MLXIP: variants seen among roughly 807,000 people sequenced by gnomAD.
MLXIP encodes the protein MLX interacting protein.
A neutral mutation model predicts 87.2 loss-of-function variants in MLXIP; 30 were observed. The ratio of observed to expected loss-of-function variants is 0.34; its 90% CI spans 0.26 to 0.47. The LOEUF (loss-of-function observed/expected upper bound fraction) is 0.47. Ranked by LOEUF, MLXIP falls within the 20% of genes least tolerant of loss-of-function variation. The pLI is 1.00. For synonymous variants in MLXIP, 530 were observed against 514.0 expected, an observed-to-expected ratio of 1.03 and a Z score of -0.42; for missense variants, 1,002 against 1,240.1, an observed-to-expected ratio of 0.81 and a Z score of 2.88.
chr12:122,094,593 GTGT>G (rs1952317839), intron 1 of MLXIP, among the ~76,000 whole-genome samples: 1 of 146,048 alleles, frequency 6.8e-6, no homozygotes, highest in Non-Finnish European at 1.5e-5. Context: ...GTTGGTGTGT[GTGT>G]TGGTGTTGTG....
At chr12:122,110,873 C>T (rs371862604) in intron 1 of MLXIP, among the ~76,000 whole-genome samples, 26 of 152,008 alleles carry the variant, frequency 1.7e-4, no homozygotes, top group African/African-American at 5.8e-4. Context: ...GTCAGGAGAT[C>T]GAGACCATCC....
chr12:122,122,967 C>T (rs1358245414), intron 1 of MLXIP, among the ~76,000 whole-genome samples: 1 of 151,940 alleles, frequency 6.6e-6, no homozygotes, highest in African/African-American at 2.4e-5. Flanking sequence ...GCTGGGATTA[C>T]AGGCGTGAGC....
At chr12:122,139,459 C>T (rs1024094460) in intron 15 of MLXIP, among the ~76,000 whole-genome samples, 5 of 152,180 alleles carry the variant, frequency 3.3e-5, no homozygotes, top group African/African-American at 1.2e-4. Flanking sequence ...ACGGCTCTCA[C>T]GGGGAGTGGT....
chr12:122,107,923 C>T (rs1017878853), intron 1 of MLXIP, among the ~76,000 whole-genome samples: 37 of 152,248 alleles, frequency 2.4e-4, no homozygotes, highest in African/African-American at 8.9e-4. Flanking sequence ...GGGACACTGC[C>T]CTCTCTGGCT....
At chr12:122,109,260 G>A (rs903524395) in intron 1 of MLXIP, among the ~76,000 whole-genome samples, 1 of 152,220 alleles carries the variant, frequency 6.6e-6, no homozygotes, top group Admixed American at 6.5e-5. Context: ...GTAGTGACGG[G>A]GTTGCACTGT....
Position 122,130,841 on chromosome 12 carries a change from C to A in MLXIP, c.911-3C>A. On this transcript the variant is annotated splice_polypyrimidine_tract_variant and splice_region_variant and intron_variant, in intron 6 of 16. Coordinates refer to ENST00000319080, the MANE Select transcript of MLXIP (RefSeq NM_014938.6). ...ATGGTTCCTCTCTCTGTGATTCTTG[C>A]AGCACATCTGGGAAATGCAGACATG... 1 of 1,609,308 alleles carries A rather than the reference C, an allele frequency of 6.2e-7. No homozygotes were observed. The highest frequency in any genetic ancestry group is 8.5e-7 in the Non-Finnish European group (1 of 1,175,788).
At chr12:122,121,538 G>A (rs1359004434) in intron 1 of MLXIP, among the ~76,000 whole-genome samples, 1 of 152,068 alleles carries the variant, frequency 6.6e-6, no homozygotes, top group Non-Finnish European at 1.5e-5. Context: ...CCAAAGTGCT[G>A]AGATTACAGG....
intron 1 of MLXIP, among the ~76,000 whole-genome samples, chr12:122,108,893 AAGAG>A (rs534249291): frequency 6.4e-4 from 97 of 152,306 alleles, no homozygotes; most frequent in African/African-American, 2.3e-3. Context: ...GGGTAAATGA[AAGAG>A]AGAGACATTA....
rs1158903629 is a variant in MLXIP at position 122,141,790 on chromosome 12, G to C, written c.2738G>C (p.Gly913Ala). ...GCGTCCAAGGCTGTCACCAGGATTG[G>C]CAAGAGATTGGGAGAGTCCTAGCTG... ...EQASKAVTRI[G>A]KRLGES is the part of the protein sequence containing the mutation. Residue 913 changes from glycine (G) to alanine (A), a missense_variant, in exon 17 of 17, where the codon GGC becomes GCC. Transcript: ENST00000319080. 1 of 1,613,738 alleles carries C rather than the reference G, an allele frequency of 6.2e-7. No homozygotes were observed. The highest frequency in any genetic ancestry group is 8.5e-7 in the Non-Finnish European group (1 of 1,179,892).
At chr12:122,124,553 C>G (rs916305996) in intron 1 of MLXIP, among the ~76,000 whole-genome samples, 2 of 149,546 alleles carry the variant, frequency 1.3e-5, no homozygotes, top group Non-Finnish European at 3.0e-5. Flanking sequence ...CTGCCCAGGT[C>G]TCTGTTCCTG....
Position 122,141,848 on chromosome 12 carries a change from G to A in MLXIP, c.*36G>A, listed in dbSNP as rs1203175768. On this transcript the variant is annotated 3_prime_UTR_variant, in exon 17 of 17. Transcript: ENST00000319080. Reference sequence around the variant, plus strand: ...GGCATGTGGCCGCATGAGATGCCAGGAGACCCTTCCCTGCCCATGGAGAGT... The same window carrying A: ...GGCATGTGGCCGCATGAGATGCCAGAAGACCCTTCCCTGCCCATGGAGAGT... The A allele has an allele frequency of 7.5e-6, 12 of 1,609,582 alleles. No homozygotes were observed. Among genetic ancestry groups the A allele is most frequent in the African/African-American group, 1.3e-5 (1 of 74,890 alleles).
chr12:122,080,297 G>A (rs1373774556), intron 1 of MLXIP, among the ~76,000 whole-genome samples: 3 of 152,114 alleles, frequency 2.0e-5, no homozygotes, highest in Non-Finnish European at 4.4e-5. Flanking sequence ...CTGGACTAGC[G>A]GGGGCTGTCT....
intron 1 of MLXIP, among the ~76,000 whole-genome samples, chr12:122,127,044 C>G (rs1038642720): frequency 6.6e-6 from 1 of 152,164 alleles, no homozygotes; most frequent in Non-Finnish European, 1.5e-5. Context: ...CACGGCCAGT[C>G]CTGCCCTCCG....
intron 15 of MLXIP, 144 bp downstream of exon 15, chr12:122,139,082 C>T (rs541427603): frequency 2.2e-5 from 29 of 1,321,530 alleles, no homozygotes; most frequent in Admixed American, 1.0e-4. Context: ...GTGTCTATCT[C>T]GGGAGAGAGT....
At chr12:122,140,392 G>T (rs1953176605) in intron 15 of MLXIP, among the ~76,000 whole-genome samples, 1 of 152,046 alleles carries the variant, frequency 6.6e-6, no homozygotes, top group South Asian at 2.1e-4. Context: ...CGCCTCCCGG[G>T]TTCAAGCGAT....
Position 122,093,404 on chromosome 12 carries a change from GGT to G in MLXIP, c.413+14145_413+14146del, listed in dbSNP as rs1384886247. Among the ~76,000 whole-genome samples, 7 of 144,824 alleles carry G rather than the reference GGT, an allele frequency of 4.8e-5. No homozygotes were observed. In the East Asian group the frequency reaches 1.1e-3, roughly 23 times the overall value. ...GTGGTGTGTGGGTGGTTATGTGTGT[GGT>G]GTGTGTTGGTGTGTTATATGTGGGG... On this transcript the variant is annotated intron_variant, in intron 1 of 16. Coordinates refer to ENST00000319080, the MANE Select transcript of MLXIP (RefSeq NM_014938.6).
Position 122,133,208 on chromosome 12 carries a change from G to T in MLXIP, c.1093-140G>T. On this transcript the variant is annotated intron_variant, in intron 8 of 16. Coordinates refer to ENST00000319080, the MANE Select transcript of MLXIP (RefSeq NM_014938.6). This position sits in a 1 kb window ranked among gnomAD's most constrained non-coding sequence, Gnocchi z 4.9. The stretch of plus-strand genomic sequence containing the variant: ...GGAAACACAAATCCCTATCAGATCA[G>T]CAGCCATGGACGTGGAGACGTGGCC... 1.1e-6 allele frequency: 1 copy of T among 895,986 alleles called. No homozygotes were observed. The highest frequency in any genetic ancestry group is 1.9e-5 in the South Asian group (1 of 51,372). The allele number at this position is 895,986 out of a possible 1,614,324, so 55.5% of individuals were successfully genotyped here.
chr12:122,129,963 A>C lies in MLXIP; in HGVS notation c.761A>C (p.His254Pro). Residue 254 changes from histidine to proline, a missense_variant, in exon 6 of 17, where the codon CAC (histidine) becomes CCC (proline). His to Pro is a moderately conservative substitution (Grantham distance 77). Coordinates refer to ENST00000319080, the MANE Select transcript of MLXIP (RefSeq NM_014938.6). Reference protein sequence around the residue: ...LVQDDDMLYWHKHGDGWKTPV... With the variant: ...LVQDDDMLYWPKHGDGWKTPV... ...TAGGACGATGACATGCTGTATTGGCACAAGCACGGGGATGGATGGAAGACC... is the reference window on the plus strand; with the variant it reads ...TAGGACGATGACATGCTGTATTGGCCCAAGCACGGGGATGGATGGAAGACC... 1 of 1,613,688 alleles carries C rather than the reference A, an allele frequency of 6.2e-7. No homozygotes were observed. Among genetic ancestry groups the C allele is most frequent in the Non-Finnish European group, 8.5e-7 (1 of 1,179,710 alleles).
At chr12:122,085,014 T>C (rs142313092) in intron 1 of MLXIP, among the ~76,000 whole-genome samples, 1,857 of 152,158 alleles carry the variant, frequency 0.012, 43 homozygotes, top group African/African-American at 0.042. Flanking sequence ...GAAAAGTGTC[T>C]TGAGGAGAAA....
Sources: allele counts gnomAD v4.1 joint callset (sites outside exome capture counted in the v4.1 genomes callset), GRCh38; gene constraint gnomAD v4.1.1; non-coding constraint Gnocchi (gnomAD v3.1); transcripts MANE v1.5; gene names NCBI Gene and HGNC (gene_info 2026-07-23, HGNC 2026-07-21).